Variants in PPP1R27 observed in about 807,000 individuals in gnomAD.
PPP1R27 encodes protein phosphatase 1 regulatory subunit 27.
In PPP1R27, 10 loss-of-function variants were observed where a neutral mutation model predicts 12.0. That is an observed-to-expected ratio of 0.84 (90% CI 0.52 to 1.42). The LOEUF (loss-of-function observed/expected upper bound fraction) is 1.42, where lower values mean the gene tolerates loss of function less well. Ranked by LOEUF, PPP1R27 falls within the 40% of genes most tolerant of loss-of-function variation. PPP1R27 has a pLI of 0.00. For missense variants in PPP1R27, 246 were observed against 215.3 expected (o/e 1.14, Z -0.89); for synonymous variants, 98 against 89.3 (o/e 1.10, Z -0.55).
In PPP1R27 at chr17:81,834,749, C is replaced by A; in HGVS notation, c.190+15G>T. ...ACCCCACAGGCCCTGGCCAGCTCTT[C>A]CAGGCTTTGCTCACCTGAGGGGTGG... is the stretch of plus-strand genomic sequence containing the variant. On this transcript the variant is annotated intron_variant, in intron 1 of 2. Coordinates refer to ENST00000330261, the MANE Select transcript of PPP1R27 (RefSeq NM_001007533.4). 6.2e-7 allele frequency: 1 copy of A among 1,610,154 alleles called. No individual in the cohort carries two copies. The highest frequency in any genetic ancestry group is 1.7e-5 in the Admixed American group (1 of 59,896).
chr17:81,834,121 G>A lies in PPP1R27; in HGVS notation c.342-269C>T, dbSNP rs188241633. ...TCTTTTTTTGTTTTTTTTGTTTTTT[G>A]AGACAGAATTTCGCTCTTATCACCC... On this transcript the variant is annotated intron_variant, in intron 2 of 2. Transcript: ENST00000330261. 2.0e-3 allele frequency: 937 copies of A among 474,670 alleles called. 1 individual carries two copies. Among genetic ancestry groups the A allele is most frequent in the Non-Finnish European group, 2.7e-3 (737 of 268,974 alleles). The allele number at this position is 474,670 out of a possible 1,614,324, so 29.4% of individuals were successfully genotyped here.
rs1402451995 is a variant in PPP1R27 at position 81,833,613 on chromosome 17, G to A, written c.*116C>T. 9.0e-7 allele frequency: 1 copy of A among 1,114,846 alleles called. No homozygotes were observed. Among genetic ancestry groups the A allele is most frequent in the Non-Finnish European group, 1.2e-6 (1 of 807,320 alleles). The allele number at this position is 1,114,846 out of a possible 1,614,324, so 69.1% of individuals were successfully genotyped here. On this transcript the variant is annotated 3_prime_UTR_variant, in exon 3 of 3. Transcript: ENST00000330261. ...GCCTAGGAGGGGTGGCGGGGTCGTGGAGGGACGGGTCCGGCCGCCCCTGGC... is the reference window on the plus strand; with the variant it reads ...GCCTAGGAGGGGTGGCGGGGTCGTGAAGGGACGGGTCCGGCCGCCCCTGGC...
Position 81,833,853 on chromosome 17 carries a change from C to A in PPP1R27, c.342-1G>T. 6.3e-7 allele frequency: 1 copy of A among 1,595,770 alleles called. No homozygotes were observed. The highest frequency in any genetic ancestry group is 8.5e-7 in the Non-Finnish European group (1 of 1,171,600). On this transcript the variant is annotated splice_acceptor_variant, in intron 2 of 2. Coordinates refer to ENST00000330261, the MANE Select transcript of PPP1R27 (RefSeq NM_001007533.4). LOFTEE classifies it high-confidence loss of function. ...GTCCGCTCCCAGGGAGATAAGGTAC[C>A]TGGGGTGTAAAGGTCGCTCTGGCTG...
chr17:81,834,211 C>T (rs1328980922), intron 2 of PPP1R27: 2 of 470,832 alleles, frequency 4.2e-6, no homozygotes, highest in African/African-American at 1.9e-5. Flanking sequence ...TCAAGTGATT[C>T]TCCTGCCTCA....
Position 81,833,701 on chromosome 17 carries a change from G to A in PPP1R27, c.*28C>T, listed in dbSNP as rs373098084. 13,488 of 1,542,688 alleles carry A rather than the reference G, an allele frequency of 8.7e-3. 87 individuals carry two copies. The highest frequency in any genetic ancestry group is 0.011 in the Non-Finnish European group (12,104 of 1,145,530). Reference sequence around the variant, plus strand: ...CGGCTTCTCCAGGGAGGCGGCCCTGGGCGCGGGGGCGGGCGGGCAAAGCTG... The same window carrying A: ...CGGCTTCTCCAGGGAGGCGGCCCTGAGCGCGGGGGCGGGCGGGCAAAGCTG... On this transcript the variant is annotated 3_prime_UTR_variant, in exon 3 of 3. Coordinates refer to ENST00000330261, the MANE Select transcript of PPP1R27 (RefSeq NM_001007533.4).
chr17:81,833,892 C>G (rs915900325), intron 2 of PPP1R27, 40 bp from the exon 3 acceptor site: 9 of 1,583,704 alleles, frequency 5.7e-6, no homozygotes, highest in Non-Finnish European at 7.7e-6. Flanking sequence ...CGGGGAGGAG[C>G]CAGGAGAGTG....
In PPP1R27 at chr17:81,833,865, G is replaced by T. The variant is rs751878450; in HGVS notation, c.342-13C>A. The T allele has an allele frequency of 5.6e-6, 9 of 1,595,336 alleles. No individual in the cohort carries two copies. The Admixed American group carries it at 1.6e-4, about 28-fold the overall frequency. On this transcript the variant is annotated splice_polypyrimidine_tract_variant and intron_variant, in intron 2 of 2. Coordinates refer to ENST00000330261, the MANE Select transcript of PPP1R27 (RefSeq NM_001007533.4). ...GGAGATAAGGTACCTGGGGTGTAAA[G>T]GTCGCTCTGGCTGAAGCGGGGAGGA...
At chr17:81,833,960 C>T (rs1019323512) in intron 2 of PPP1R27, 108 bp from the exon 3 acceptor site, 17 of 1,337,744 alleles carry the variant, frequency 1.3e-5, no homozygotes, top group Admixed American at 2.3e-5. Context: ...TGTCCCCCAC[C>T]TTGGGGTCCT....
chr17:81,833,651 C>A lies in PPP1R27; in HGVS notation c.*78G>T. ...GGCCGCCCCTGGCCCACGGGTGGGG[C>A]ACGTGCTGGCCCATGGGCGACGCGC... On this transcript the variant is annotated 3_prime_UTR_variant, in exon 3 of 3. Transcript: ENST00000330261. The A allele has an allele frequency of 6.8e-7, 1 of 1,474,774 alleles. No individual in the cohort carries two copies. The highest frequency in any genetic ancestry group is 9.0e-7 in the Non-Finnish European group (1 of 1,107,446). 91.4% of individuals were successfully genotyped at this position (1,474,774 alleles called of 1,614,324 possible).
At position 81,834,526 on chromosome 17, in the gene PPP1R27, G is replaced by A; in HGVS notation, c.318C>T (p.Ser106=). The stretch of plus-strand genomic sequence containing the variant: ...ACCTGGCTATGTCAGGGTACCCATC[G>A]CTGCAGGCAATGTGCAGGGGTGTCC... ...AGWTPLHIAC[S]DGYPDIARYL... is the part of the protein sequence containing the mutation. The change falls in exon 2 of 3, where the codon AGC becomes AGT. Residue 106 remains serine, a synonymous_variant. Coordinates refer to ENST00000330261, the MANE Select transcript of PPP1R27 (RefSeq NM_001007533.4). The A allele has an allele frequency of 1.2e-6, 2 of 1,614,080 alleles. No homozygotes were observed. The highest frequency in any genetic ancestry group is 1.1e-5 in the South Asian group (1 of 91,090).
intron 2 of PPP1R27, chr17:81,834,088 T>G: frequency 1.9e-6 from 1 of 518,992 alleles, no homozygotes. Flanking sequence ...CTCTAGGGTT[T>G]GCAGGGTTCT....
intron 1 of PPP1R27, 36 bp downstream of exon 1, chr17:81,834,728 C>T: frequency 6.2e-7 from 1 of 1,609,516 alleles, no homozygotes; most frequent in Non-Finnish European, 8.5e-7. Flanking sequence ...CCCACCACCC[C>T]ACAGGCCCTG....
chr17:81,833,778 G>A lies in PPP1R27; in HGVS notation c.416C>T (p.Pro139Leu), dbSNP rs758755818. 6 of 1,557,182 alleles carry A rather than the reference G, an allele frequency of 3.9e-6. No individual in the cohort carries two copies. The highest frequency in any genetic ancestry group is 1.2e-5 in the South Asian group (1 of 84,466). Residue 139 changes from proline to leucine, a missense_variant, in exon 3 of 3, where the codon CCG (proline) becomes CTG (leucine). Pro to Leu is a moderately conservative substitution (Grantham distance 98). Coordinates refer to ENST00000330261, the MANE Select transcript of PPP1R27 (RefSeq NM_001007533.4). ...DGDLPSDLID[P>L]DYKELVELFK... ...GAGCTCCACCAGCTCCTTGTAGTCC[G>A]GGTCGATGAGGTCGGAGGGCAGGTC...
chr17:81,834,349 G>T, intron 2 of PPP1R27, 154 bp downstream of exon 2: 12 of 784,332 alleles, frequency 1.5e-5, no homozygotes, highest in Non-Finnish European at 2.4e-5. Context: ...CTCCCAAAGT[G>T]CTGGGATTAC....
At chr17:81,833,916 G>A (rs34856581) in intron 2 of PPP1R27, 64 bp from the exon 3 acceptor site, 272,037 of 1,551,012 alleles carry the variant, frequency 0.18, 25,487 homozygotes, top group Admixed American at 0.21. Flanking sequence ...GCCCCAACCC[G>A]GGTCAGAGGG....
intron 2 of PPP1R27, chr17:81,834,297 T>G (rs1342438907): frequency 1.7e-6 from 1 of 581,050 alleles, no homozygotes; most frequent in Admixed American, 3.1e-5. Flanking sequence ...GAGAGGGTTC[T>G]TGTCACGAAC....
Position 81,834,388 on chromosome 17 carries a change from C to G in PPP1R27, c.341+115G>C. 2 of 1,235,502 alleles carry G rather than the reference C, an allele frequency of 1.6e-6. 1 individual carries two copies. Among genetic ancestry groups the G allele is most frequent in the South Asian group, 2.8e-5 (2 of 71,336 alleles). The allele number at this position is 1,235,502 out of a possible 1,614,324, so 76.5% of individuals were successfully genotyped here. ...CGCAGGCGTGAGCCACCGCCCCCAG[C>G]CTCTAGGGTTCTTGCCGACACCACC... On this transcript the variant is annotated intron_variant, in intron 2 of 2. Transcript: ENST00000330261.
In PPP1R27 at chr17:81,835,023, G is replaced by T. The variant is rs552167176; in HGVS notation, c.-70C>A. 9 of 1,424,666 alleles carry T rather than the reference G, an allele frequency of 6.3e-6. No individual in the cohort carries two copies. The highest frequency in any genetic ancestry group is 8.3e-6 in the Non-Finnish European group (9 of 1,080,240). The allele number at this position is 1,424,666 out of a possible 1,614,324, so 88.3% of individuals were successfully genotyped here. On this transcript the variant is annotated 5_prime_UTR_variant, in exon 1 of 3. Coordinates refer to ENST00000330261, the MANE Select transcript of PPP1R27 (RefSeq NM_001007533.4). ...TGGGGTTAATAATGTATCCGGTCCC[G>T]ACCAGATCAGCTTGAGGGCTCCTGT...
rs369002344 is a variant in PPP1R27, at chr17:81,834,812, G to T, written c.142C>A (p.Arg48Ser). ...GAGACTTTCCGAGTCCGGATGAAGCGCCCCACCTGCTCCAGGTCACCCTGC... is the reference window on the plus strand; with the variant it reads ...GAGACTTTCCGAGTCCGGATGAAGCTCCCCACCTGCTCCAGGTCACCCTGC... ...IRQGDLEQVG[R>S]FIRTRKVSLA... The change falls in exon 1 of 3, where the codon CGC becomes AGC. Residue 48 changes from arginine to serine, a missense_variant. Coordinates refer to ENST00000330261, the MANE Select transcript of PPP1R27 (RefSeq NM_001007533.4). 2 of 1,613,420 alleles carry T rather than the reference G, an allele frequency of 1.2e-6. No individual in the cohort carries two copies. Among genetic ancestry groups the T allele is most frequent in the African/African-American group, 1.3e-5 (1 of 74,922 alleles).
Sources: gnomAD v4.1 joint callset for allele counts on GRCh38, gnomAD v4.1.1 for gene constraint, MANE v1.5 for transcripts, NCBI Gene and HGNC (gene_info 2026-07-23, HGNC 2026-07-21) for gene names.